NEMP2: variants seen among roughly 807,000 people sequenced by gnomAD.
NEMP2 encodes the protein nuclear envelope integral membrane protein 2.
Under a neutral mutation model 54.2 loss-of-function variants are expected in NEMP2, and 53 were observed. The observed-to-expected ratio is 0.98, with a 90% confidence interval of 0.78 to 1.23. The LOEUF is 1.23. Among genes scored for constraint, NEMP2 ranks in the 50% most tolerant of loss-of-function variants. The pLI, the probability that NEMP2 is intolerant of heterozygous loss-of-function variation, is 0.00. For synonymous variants in NEMP2, 197 were observed against 190.3 expected, an observed-to-expected ratio of 1.04 and a Z score of -0.29; for missense variants, 455 against 511.3, an observed-to-expected ratio of 0.89 and a Z score of 1.06.
At chr2:190,456,277 T>A in the NEMP2 span, among the ~76,000 whole-genome samples, 82 of 152,248 alleles carry the variant, frequency 5.4e-4, no homozygotes, top group African/African-American at 1.5e-3. This position sits in a 1 kb window ranked among gnomAD's most constrained non-coding sequence, Gnocchi z 5.4. Context: ...AATCCATGAC[T>A]TAAATTTCAC....
chr2:190,597,710 A>G, the NEMP2 span, among the ~76,000 whole-genome samples: 1 of 152,178 alleles, frequency 6.6e-6, no homozygotes, highest in Non-Finnish European at 1.5e-5. The surrounding 1 kb of genome is among the most constrained non-coding windows in gnomAD (Gnocchi z 4.7). Flanking sequence ...TTGGAATAAA[A>G]GAAACAGTGC....
the NEMP2 span, chr2:190,437,193 G>A: frequency 2.4e-5 from 39 of 1,614,090 alleles, no homozygotes; most frequent in Middle Eastern, 4.9e-4. The surrounding 1 kb of genome is among the most constrained non-coding windows in gnomAD (Gnocchi z 5.9). Context: ...TTGCCACTCA[G>A]TTCCGGTTCC....
chr2:190,471,785 C>T, the NEMP2 span, among the ~76,000 whole-genome samples: 3 of 152,328 alleles, frequency 2.0e-5, no homozygotes, highest in South Asian at 6.2e-4. This position sits in a 1 kb window ranked among gnomAD's most constrained non-coding sequence, Gnocchi z 4.7. Flanking sequence ...AACAGACAGA[C>T]TGCCTCCTCA....
chr2:190,469,929 G>A, the NEMP2 span: 1 of 1,041,250 alleles, frequency 9.6e-7, no homozygotes, highest in Non-Finnish European at 1.4e-6. This position sits in a 1 kb window ranked among gnomAD's most constrained non-coding sequence, Gnocchi z 5.3. Flanking sequence ...GTGGCCTTCA[G>A]CATCTGATTC....
the NEMP2 span, among the ~76,000 whole-genome samples, chr2:190,460,227 CATAA>C: frequency 6.6e-6 from 1 of 152,202 alleles, no homozygotes; most frequent in African/African-American, 2.4e-5. Context: ...TGTTTGTCCA[CATAA>C]ATAAAAATAT....
At chr2:190,469,896 C>A in the NEMP2 span, 1 of 1,454,150 alleles carries the variant, frequency 6.9e-7, no homozygotes, top group Non-Finnish European at 9.6e-7. This position sits in a 1 kb window ranked among gnomAD's most constrained non-coding sequence, Gnocchi z 5.3. Flanking sequence ...CTCTGCCTTC[C>A]CTGAGCTGTG....
Position 190,533,866 on chromosome 2 carries a change from C to T in NEMP2, c.97+693G>A. On this transcript the variant is annotated intron_variant, in intron 1 of 8. Coordinates refer to ENST00000409150, the MANE Select transcript of NEMP2 (RefSeq NM_001142645.2). This position sits in a 1 kb window ranked among gnomAD's most constrained non-coding sequence, Gnocchi z 4.3. ...TAGGTTTCTGACTTCCCCAGGTGTC[C>T]TTCCCAGATCCTTCCCCAGTGTGCC... 1.7e-6 allele frequency: 1 copy of T among 593,656 alleles called. No individual in the cohort carries two copies. Among genetic ancestry groups the T allele is most frequent in the Non-Finnish European group, 2.1e-6 (1 of 471,622 alleles). The allele number at this position is 593,656 out of a possible 1,614,324, so 36.8% of individuals were successfully genotyped here. A position where few individuals can be genotyped will look rare whatever the true frequency, so the allele number is the denominator to read the frequency against.
chr2:190,424,846 C>CT, the NEMP2 span, among the ~76,000 whole-genome samples: 2 of 152,168 alleles, frequency 1.3e-5, no homozygotes, highest in Non-Finnish European at 2.9e-5. This position sits in a 1 kb window ranked among gnomAD's most constrained non-coding sequence, Gnocchi z 5.9. Flanking sequence ...GCTATATGAT[C>CT]TTTTTCAAAA....
At chr2:190,609,945 G>A in the NEMP2 span, 2 of 152,092 alleles carry the variant, frequency 1.3e-5, no homozygotes, top group African/African-American at 4.8e-5. The surrounding 1 kb of genome is among the most constrained non-coding windows in gnomAD (Gnocchi z 4.7). Context: ...TAAAGTTTAA[G>A]TTGTCTAGTC....
At chr2:190,566,847 G>T in the NEMP2 span, among the ~76,000 whole-genome samples, 2 of 152,070 alleles carry the variant, frequency 1.3e-5, no homozygotes, top group Non-Finnish European at 2.9e-5. Flanking sequence ...ACAGATAACA[G>T]GTTTTCCATA....
At chr2:190,427,508 C>T in the NEMP2 span, among the ~76,000 whole-genome samples, 1 of 152,302 alleles carries the variant, frequency 6.6e-6, no homozygotes, top group South Asian at 2.1e-4. Context: ...TTGTTTGCAC[C>T]TATCTTCACC....
At chr2:190,517,636 G>A in intron 4 of NEMP2, 23 bp from the exon 5 acceptor site, 1 of 1,523,662 alleles carries the variant, frequency 6.6e-7, no homozygotes, top group Admixed American at 2.0e-5. Flanking sequence ...GCAGATAAAA[G>A]CTATTTAAAT....
the NEMP2 span, among the ~76,000 whole-genome samples, chr2:190,614,888 G>A: frequency 6.6e-6 from 1 of 152,176 alleles, no homozygotes; most frequent in African/African-American, 2.4e-5. The surrounding 1 kb of genome is among the most constrained non-coding windows in gnomAD (Gnocchi z 5.7). Flanking sequence ...GAGTGAGTCT[G>A]CTCCTGATCT....
At chr2:190,489,798 T>G in the NEMP2 span, 1 of 1,614,200 alleles carries the variant, frequency 6.2e-7, no homozygotes. The surrounding 1 kb of genome is among the most constrained non-coding windows in gnomAD (Gnocchi z 6.6). Flanking sequence ...GGAATTGGCA[T>G]GGCCTGCTTG....
At chr2:190,640,464 T>C in the NEMP2 span, among the ~76,000 whole-genome samples, 4 of 152,174 alleles carry the variant, frequency 2.6e-5, no homozygotes, top group African/African-American at 9.7e-5. Flanking sequence ...TATGAGAAAC[T>C]TATAGTAAGG....
At chr2:190,488,198 G>A in the NEMP2 span, among the ~76,000 whole-genome samples, 1 of 152,220 alleles carries the variant, frequency 6.6e-6, no homozygotes. The surrounding 1 kb of genome is among the most constrained non-coding windows in gnomAD (Gnocchi z 6.4). Context: ...ACTGCGCCCA[G>A]CCACTCAAAA....
At chr2:190,604,252 C>A in the NEMP2 span, among the ~76,000 whole-genome samples, 2 of 152,142 alleles carry the variant, frequency 1.3e-5, no homozygotes, top group Non-Finnish European at 2.9e-5. This position sits in a 1 kb window ranked among gnomAD's most constrained non-coding sequence, Gnocchi z 4.5. Flanking sequence ...TGATTTCATC[C>A]GTTTGAGGGT....
chr2:190,500,359 G>A (rs528703396), downstream of NEMP2: 3 of 824,634 alleles, frequency 3.6e-6, no homozygotes, highest in East Asian at 2.7e-5. The surrounding 1 kb of genome is among the most constrained non-coding windows in gnomAD (Gnocchi z 5.3). Context: ...TCATTAACAT[G>A]GAAACACACA....
intron 1 of NEMP2, among the ~76,000 whole-genome samples, chr2:190,526,333 A>C (rs1022523818): frequency 2.6e-5 from 4 of 152,192 alleles, no homozygotes; most frequent in African/African-American, 9.7e-5. Context: ...TGAAGCCCAT[A>C]TAATGCAGTC....
Sources: gnomAD v4.1 joint callset for allele counts (sites outside exome capture counted in the v4.1 genomes callset) on GRCh38, gnomAD v4.1.1 for gene constraint, Gnocchi (gnomAD v3.1) non-coding constraint, MANE v1.5 for transcripts, NCBI Gene and HGNC (gene_info 2026-07-23, HGNC 2026-07-21) for gene names.